Variants in ACOT12 observed in about 807,000 individuals in gnomAD.
ACOT12 encodes the protein acyl-CoA thioesterase 12.
In ACOT12, 51 loss-of-function variants were observed where a neutral mutation model predicts 67.7. The observed-to-expected ratio is 0.75, with a 90% confidence interval of 0.60 to 0.95. ACOT12 has a LOEUF of 0.95. ACOT12 is among the 40% of genes least tolerant of loss of function. The pLI, the probability that ACOT12 is intolerant of heterozygous loss-of-function variation, is 0.00. For synonymous variants in ACOT12, 251 were observed against 244.6 expected (o/e 1.03, Z -0.24); for missense variants, 734 against 708.1 (o/e 1.04, Z -0.41).
chr5:81,336,675 C>T (rs1431224125), intron 11 of ACOT12, among the ~76,000 whole-genome samples: 4 of 152,156 alleles, frequency 2.6e-5, no homozygotes, highest in Non-Finnish European at 4.4e-5. Context: ...CTATCCTTCC[C>T]GTTTTCTTTA....
In ACOT12 at chr5:81,385,508, G is replaced by C. The variant is rs148327453; in HGVS notation, c.197+249C>G. On this transcript the variant is annotated intron_variant, in intron 2 of 14. Transcript: ENST00000307624. ...AGTCTGTTTGGCTGTTATGCCTTAT[G>C]CCACAATGCATCTAAGGCTGAGAGC... Among the ~76,000 whole-genome samples, 49 of 152,260 alleles carry C rather than the reference G, an allele frequency of 3.2e-4. No individual in the cohort carries two copies. In the East Asian group the frequency reaches 9.5e-3, roughly 29 times the overall value.
chr5:81,323,227 T>C, the ACOT12 span, among the ~76,000 whole-genome samples: 39,201 of 152,038 alleles, frequency 0.26, 5,549 homozygotes, highest in Middle Eastern at 0.38. Flanking sequence ...ATCACAAAAT[T>C]TCAGAAGTAT....
At chr5:81,319,004 G>A in the ACOT12 span, among the ~76,000 whole-genome samples, 1 of 151,878 alleles carries the variant, frequency 6.6e-6, no homozygotes, top group African/African-American at 2.4e-5. Context: ...CTGTAATTGT[G>A]AGATTGCTGA....
At chr5:81,334,913 G>A (rs1758949008) in intron 12 of ACOT12, among the ~76,000 whole-genome samples, 1 of 152,158 alleles carries the variant, frequency 6.6e-6, no homozygotes. Context: ...AGTGGGAGAT[G>A]TAGGCTAATA....
intron 3 of ACOT12, among the ~76,000 whole-genome samples, chr5:81,368,116 A>G (rs777909543): frequency 1.3e-5 from 2 of 152,146 alleles, no homozygotes; most frequent in Non-Finnish European, 1.5e-5. Flanking sequence ...ACATGGTGAA[A>G]TCCTTTCTCT....
At chr5:81,338,708 G>A (rs1759090022) in intron 11 of ACOT12, among the ~76,000 whole-genome samples, 1 of 152,148 alleles carries the variant, frequency 6.6e-6, no homozygotes, top group Non-Finnish European at 1.5e-5. Context: ...AAGCAAGCAG[G>A]CTCAAAATCT....
intron 2 of ACOT12, among the ~76,000 whole-genome samples, chr5:81,373,236 C>A (rs1468555590): frequency 6.6e-6 from 1 of 152,186 alleles, no homozygotes; most frequent in Non-Finnish European, 1.5e-5. Context: ...CAAGGTGGGT[C>A]ATCACCCTAC....
chr5:81,345,086 C>T, intron 7 of ACOT12, 45 bp from the exon 8 acceptor site: 2 of 1,606,530 alleles, frequency 1.2e-6, no homozygotes, highest in Non-Finnish European at 1.7e-6. Context: ...GATCTTGACC[C>T]ATCAGGCCCT....
intron 11 of ACOT12, among the ~76,000 whole-genome samples, chr5:81,341,963 T>C (rs1030397298): frequency 4.6e-5 from 7 of 152,156 alleles, no homozygotes; most frequent in African/African-American, 1.4e-4. Flanking sequence ...TGTCACAAGA[T>C]AGTGTATAAT....
chr5:81,364,777 A>C (rs1561341485), intron 3 of ACOT12, among the ~76,000 whole-genome samples: 2 of 152,178 alleles, frequency 1.3e-5, no homozygotes, highest in Non-Finnish European at 2.9e-5. Context: ...TTTAAATTTC[A>C]TGATTACTAA....
chr5:81,317,510 A>G, the ACOT12 span, among the ~76,000 whole-genome samples: 2 of 152,088 alleles, frequency 1.3e-5, no homozygotes, highest in East Asian at 1.9e-4. Flanking sequence ...CCAAAAAAAA[A>G]AAAAAAAAGA....
intron 4 of ACOT12, 133 bp from the exon 5 acceptor site, chr5:81,360,171 T>A: frequency 3.6e-6 from 3 of 835,248 alleles, no homozygotes; most frequent in Non-Finnish European, 5.3e-6. Context: ...GTGTTTTCAC[T>A]AAACATGTTA....
the ACOT12 span, chr5:81,309,142 C>G: frequency 1.2e-6 from 1 of 862,994 alleles, no homozygotes; most frequent in Non-Finnish European, 1.7e-6. Context: ...GAATAAATTG[C>G]AAAACCTTGA....
chr5:81,333,803 G>A (rs1334485609), intron 12 of ACOT12, among the ~76,000 whole-genome samples: 2 of 152,164 alleles, frequency 1.3e-5, no homozygotes, highest in Admixed American at 6.5e-5. Context: ...GGTAGGGAAG[G>A]GCAGGGTCCC....
chr5:81,362,002 TATTAGCAA>T (rs1759924307), intron 4 of ACOT12, among the ~76,000 whole-genome samples: 1 of 152,144 alleles, frequency 6.6e-6, no homozygotes, highest in Admixed American at 6.5e-5. Flanking sequence ...TGAACCAGCA[TATTAGCAA>T]CTAGGAAATA....
intron 1 of ACOT12, among the ~76,000 whole-genome samples, chr5:81,387,330 C>T (rs1251434783): frequency 6.6e-6 from 1 of 152,016 alleles, no homozygotes; most frequent in East Asian, 1.9e-4. Context: ...ACTTAGAGAT[C>T]CAGCCATAGT....
At position 81,345,943 on chromosome 5, in the gene ACOT12, A is replaced by G. The variant is rs1466627565; in HGVS notation, c.715T>C (p.Ser239Pro). ...SVDMFKFRGP[S>P]TVGDRLVFTA... Reference sequence around the variant, plus strand: ...AAGACAAGACGATCTCCAACTGTAGATGGTCCCCGGAACTTAAACATATCT... The same window carrying G: ...AAGACAAGACGATCTCCAACTGTAGGTGGTCCCCGGAACTTAAACATATCT... The change falls in exon 7 of 15, where the codon TCT (serine) becomes CCT (proline). Residue 239 changes from serine (S) to proline (P), a missense_variant. Transcript: ENST00000307624. 6.2e-7 allele frequency: 1 copy of G among 1,614,074 alleles called. No individual in the cohort carries two copies. The highest frequency in any genetic ancestry group is 1.7e-5 in the Admixed American group (1 of 60,026).
intron 5 of ACOT12, among the ~76,000 whole-genome samples, chr5:81,356,879 T>C (rs542683004): frequency 3.3e-5 from 5 of 151,884 alleles, no homozygotes; most frequent in South Asian, 4.2e-4. Flanking sequence ...CTAGCCAGAG[T>C]GACCATATTA....
rs565322023 is a variant in ACOT12, at chr5:81,365,056, C to G, written c.259-1167G>C. On this transcript the variant is annotated intron_variant, in intron 3 of 14. Transcript: ENST00000307624. ...ATACTAAAATGGGCTAGATTTCCCC[C>G]TGTGTGAAGAGCGCTGAAGCTTGGT... Among the ~76,000 whole-genome samples the G allele has an allele frequency of 3.3e-5, 5 of 152,266 alleles. No homozygotes were observed. In the South Asian group the frequency reaches 1.0e-3, roughly 32 times the overall value.
Sources: allele counts gnomAD v4.1 joint callset (sites outside exome capture counted in the v4.1 genomes callset), GRCh38; gene constraint gnomAD v4.1.1; transcripts MANE v1.5; gene names NCBI Gene and HGNC (gene_info 2026-07-23, HGNC 2026-07-21).